The following FLI1 variants were observed in gnomAD, a reference collection of about 807,000 sequenced individuals.
FLI1 encodes the protein Fli-1 proto-oncogene, ETS transcription factor.
A neutral mutation model predicts 53.1 loss-of-function variants in FLI1; 13 were observed. The ratio of observed to expected loss-of-function variants is 0.24; its 90% CI spans 0.16 to 0.39. The LOEUF (loss-of-function observed/expected upper bound fraction) is 0.39, where lower values mean the gene tolerates loss of function less well. Among genes scored for constraint, FLI1 ranks in the 10% least tolerant of loss-of-function variants. The pLI, the probability that FLI1 is intolerant of heterozygous loss-of-function variation, is 1.00. For synonymous variants in FLI1, 244 were observed against 236.7 expected, an observed-to-expected ratio of 1.03 and a Z score of -0.28; for missense variants, 424 against 600.5, an observed-to-expected ratio of 0.71 and a Z score of 3.07.
At chr11:128,719,577 C>T (rs606707) in intron 1 of FLI1, among the ~76,000 whole-genome samples, 62,541 of 151,942 alleles carry the variant, frequency 0.41, 13,309 homozygotes, top group South Asian at 0.47. Flanking sequence ...AGGACTGGCA[C>T]GATCTCTGGT....
At chr11:128,766,126 A>G (rs1309772001) in intron 2 of FLI1, among the ~76,000 whole-genome samples, 24 of 152,214 alleles carry the variant, frequency 1.6e-4, no homozygotes. Context: ...GTGTGCCTGC[A>G]GTTAGCCCCA....
chr11:128,796,686 T>C (rs1316520750), intron 5 of FLI1, among the ~76,000 whole-genome samples: 1 of 152,040 alleles, frequency 6.6e-6, no homozygotes, highest in South Asian at 2.1e-4. Context: ...AAAGAAGGAG[T>C]GCTCTTGGCC....
At chr11:128,774,090 G>A (rs1036538484) in intron 4 of FLI1, among the ~76,000 whole-genome samples, 1 of 152,062 alleles carries the variant, frequency 6.6e-6, no homozygotes, top group Non-Finnish European at 1.5e-5. Flanking sequence ...CTGTTTGCTC[G>A]CCATCGTTCT....
chr11:128,713,793 A>G (rs1170650090), intron 1 of FLI1, among the ~76,000 whole-genome samples: 3 of 152,192 alleles, frequency 2.0e-5, no homozygotes, highest in Non-Finnish European at 4.4e-5. Context: ...CCTCGGAGTC[A>G]GTATGAAAGA....
intron 5 of FLI1, among the ~76,000 whole-genome samples, chr11:128,789,758 G>A (rs2268596): frequency 0.067 from 10,216 of 152,162 alleles, 570 homozygotes; most frequent in East Asian, 0.27. Flanking sequence ...GTGTTGCCTT[G>A]TAGAGTGCAG....
chr11:128,748,205 C>G, intron 1 of FLI1: 1 of 925,896 alleles, frequency 1.1e-6, no homozygotes, highest in Non-Finnish European at 1.3e-6. Context: ...AAAGTACTTT[C>G]GTCTGCAAAT....
chr11:128,701,666 A>G (rs1325823444), intron 1 of FLI1, among the ~76,000 whole-genome samples: 1 of 152,262 alleles, frequency 6.6e-6, no homozygotes, highest in Non-Finnish European at 1.5e-5. Flanking sequence ...ATCTCAGAGT[A>G]TGAGAATTTT....
rs1158457075 is a variant in FLI1, at chr11:128,810,791, A to G, written c.1162A>G (p.Met388Val). 5 of 1,613,978 alleles carry G rather than the reference A, an allele frequency of 3.1e-6. No individual in the cohort carries two copies. Among genetic ancestry groups the G allele is most frequent in the South Asian group, 2.2e-5 (2 of 91,086 alleles). Reference protein sequence around the residue: ...MYKYPSDISYMPSYHAHQQKV... With the variant: ...MYKYPSDISYVPSYHAHQQKV... ...CAAGTACCCTTCTGACATCTCCTACATGCCTTCCTACCATGCCCACCAGCA... is the reference window on the plus strand; with the variant it reads ...CAAGTACCCTTCTGACATCTCCTACGTGCCTTCCTACCATGCCCACCAGCA... The change falls in exon 9 of 9, where the codon ATG becomes GTG. Residue 388 changes from methionine to valine, a missense_variant. By Grantham distance (21) the Met-to-Val change is conservative (BLOSUM62 1). This residue lies in a region of FLI1 where 87 missense variants were observed against 100.0 expected (regional missense o/e 0.87). Transcript: ENST00000527786. This position sits in a 1 kb window ranked among gnomAD's most constrained non-coding sequence, Gnocchi z 6.6.
chr11:128,728,397 C>T (rs1225819855), intron 1 of FLI1, among the ~76,000 whole-genome samples: 1 of 152,288 alleles, frequency 6.6e-6, no homozygotes, highest in African/African-American at 2.4e-5. Context: ...GAGGGTGCTG[C>T]GGCAGAGGCC....
chr11:128,759,874 G>A (rs192041487), intron 2 of FLI1, among the ~76,000 whole-genome samples: 3 of 152,298 alleles, frequency 2.0e-5, no homozygotes, highest in East Asian at 1.9e-4. Flanking sequence ...TGAGGTCACC[G>A]AGGAAACTAG....
intron 3 of FLI1, among the ~76,000 whole-genome samples, chr11:128,770,625 A>G (rs1295427646): frequency 1.3e-5 from 2 of 152,254 alleles, no homozygotes; most frequent in Non-Finnish European, 2.9e-5. Flanking sequence ...ATATTGTTGC[A>G]GAGCCCAAAG....
At chr11:128,802,131 G>A (rs941216045) in intron 5 of FLI1, among the ~76,000 whole-genome samples, 3 of 152,176 alleles carry the variant, frequency 2.0e-5, no homozygotes, top group African/African-American at 7.2e-5. Context: ...GTTTACTTGG[G>A]TATCTCATTT....
At chr11:128,744,788 C>T (rs572893370) in intron 1 of FLI1, among the ~76,000 whole-genome samples, 1 of 152,084 alleles carries the variant, frequency 6.6e-6, no homozygotes, top group African/African-American at 2.4e-5. Context: ...AGAAAATTAT[C>T]GTGGGGAATT....
At chr11:128,780,222 G>A (rs904311145) in intron 4 of FLI1, among the ~76,000 whole-genome samples, 8 of 152,124 alleles carry the variant, frequency 5.3e-5, no homozygotes, top group Non-Finnish European at 1.0e-4. Flanking sequence ...GGCATACAGC[G>A]GGCTCAATAC....
chr11:128,685,243 C>A (rs1204397366), upstream of FLI1, among the ~76,000 whole-genome samples: 1 of 152,224 alleles, frequency 6.6e-6, no homozygotes, highest in Non-Finnish European at 1.5e-5. Flanking sequence ...TCCAGGCACG[C>A]AGCAGGTTTA....
At chr11:128,780,561 C>CT (rs1338695242) in intron 4 of FLI1, among the ~76,000 whole-genome samples, 1 of 152,206 alleles carries the variant, frequency 6.6e-6, no homozygotes, top group Non-Finnish European at 1.5e-5. Flanking sequence ...CGCCATTGCA[C>CT]TCCAGCCTGG....
intron 5 of FLI1, among the ~76,000 whole-genome samples, chr11:128,795,796 T>C (rs150640246): frequency 1.5e-4 from 23 of 152,320 alleles, no homozygotes; most frequent in Non-Finnish European, 2.6e-4. Flanking sequence ...GTGATCTGCC[T>C]GCCTCTGCCT....
intron 1 of FLI1, among the ~76,000 whole-genome samples, chr11:128,701,670 GA>G (rs1387545342): frequency 6.6e-6 from 1 of 152,212 alleles, no homozygotes. Context: ...CAGAGTATGA[GA>G]ATTTTTCAAA....
chr11:128,787,899 C>T (rs564012453), intron 5 of FLI1, among the ~76,000 whole-genome samples: 210 of 151,390 alleles, frequency 1.4e-3, no homozygotes, highest in African/African-American at 4.9e-3. Context: ...CTCCACCTCC[C>T]GGGTTCACGC....
Sources: gnomAD v4.1 joint callset for allele counts (sites outside exome capture counted in the v4.1 genomes callset) on GRCh38, gnomAD v4.1.1 for gene constraint, gnomAD v4.1.1 regional missense constraint, Gnocchi (gnomAD v3.1) non-coding constraint, MANE v1.5 for transcripts, NCBI Gene and HGNC (gene_info 2026-07-23, HGNC 2026-07-21) for gene names.